Variants in NAV2 observed in about 807,000 individuals in gnomAD.
NAV2 encodes the protein helicase, APC down-regulated 1.
Under a neutral mutation model 223.2 loss-of-function variants are expected in NAV2, and 54 were observed. The ratio of observed to expected loss-of-function variants is 0.24; its 90% CI spans 0.19 to 0.30. The LOEUF (loss-of-function observed/expected upper bound fraction) is 0.30. Among genes scored for constraint, NAV2 ranks in the 10% least tolerant of loss-of-function variants. NAV2 has a pLI of 1.00. For synonymous variants in NAV2, 1,279 were observed against 1,239.3 expected (o/e 1.03, Z -0.67); for missense variants, 2,806 against 3,147.5 (o/e 0.89, Z 2.60).
intron 8 of NAV2, among the ~76,000 whole-genome samples, chr11:19,944,411 C>T (rs898280879): frequency 2.6e-5 from 4 of 152,046 alleles, no homozygotes; most frequent in African/African-American, 9.7e-5. Flanking sequence ...GTTTTCTTTC[C>T]TTTTCTTTTC....
intron 3 of NAV2, among the ~76,000 whole-genome samples, chr11:19,865,114 C>A (rs1447590044): frequency 6.6e-6 from 1 of 152,202 alleles, no homozygotes; most frequent in Non-Finnish European, 1.5e-5. Context: ...TGCTAATGAA[C>A]AAGTTTGGTC....
intron 6 of NAV2, among the ~76,000 whole-genome samples, chr11:19,898,753 C>G (rs2042205234): frequency 6.6e-6 from 1 of 152,208 alleles, no homozygotes; most frequent in South Asian, 2.1e-4. Context: ...AAGATTATAC[C>G]TATTTATATA....
At chr11:19,646,669 G>T (rs1863159565) in intron 1 of NAV2, among the ~76,000 whole-genome samples, 1 of 152,080 alleles carries the variant, frequency 6.6e-6, no homozygotes, top group South Asian at 2.1e-4. Flanking sequence ...CCAGAGGCAG[G>T]TAATCATACA....
chr11:19,872,731 G>A (rs2585752), intron 4 of NAV2, among the ~76,000 whole-genome samples: 133,258 of 152,246 alleles, frequency 0.88, 58,537 homozygotes, highest in East Asian at 1. Flanking sequence ...CCCGCCTGCT[G>A]GAGAGCCACA....
At chr11:19,416,621 A>C (rs1223514490) in intron 1 of NAV2, among the ~76,000 whole-genome samples, 2 of 152,246 alleles carry the variant, frequency 1.3e-5, no homozygotes, top group Non-Finnish European at 2.9e-5. Context: ...GGAACCAAAA[A>C]AGAGCCCGTA....
At chr11:19,964,361 C>T (rs2048578475) in intron 10 of NAV2, among the ~76,000 whole-genome samples, 1 of 152,104 alleles carries the variant, frequency 6.6e-6, no homozygotes. Flanking sequence ...ACCTGCCTAG[C>T]CTCTGACCAA....
chr11:20,077,540 C>T lies in NAV2; in HGVS notation c.4984-12C>T. 6.2e-7 allele frequency: 1 copy of T among 1,606,892 alleles called. No homozygotes were observed. Among genetic ancestry groups the T allele is most frequent in the Non-Finnish European group, 8.5e-7 (1 of 1,173,562 alleles). ...CAAGGTAATATAACTGAGGTTGTGT[C>T]TTCCCCTCCAGGCTCACCTTGTGGC... On this transcript the variant is annotated splice_polypyrimidine_tract_variant and intron_variant, in intron 22 of 37. Coordinates refer to ENST00000349880, the MANE Select transcript of NAV2 (RefSeq NM_145117.5).
chr11:19,663,529 C>T (rs1565148876), intron 1 of NAV2, among the ~76,000 whole-genome samples: 1 of 152,216 alleles, frequency 6.6e-6, no homozygotes, highest in Non-Finnish European at 1.5e-5. Flanking sequence ...CTGTGGTCCC[C>T]TGTCCCCGAC....
intron 1 of NAV2, among the ~76,000 whole-genome samples, chr11:19,585,791 TTCTC>T (rs1324747165): frequency 1.3e-5 from 2 of 152,224 alleles, no homozygotes; most frequent in Non-Finnish European, 1.5e-5. Flanking sequence ...AACCCAACCT[TTCTC>T]TCTGGCTGCC....
chr11:19,457,568 T>C (rs538402833), intron 1 of NAV2, among the ~76,000 whole-genome samples: 5 of 152,068 alleles, frequency 3.3e-5, no homozygotes, highest in African/African-American at 7.2e-5. Flanking sequence ...TGAGAAGCCA[T>C]TTGAGAGAGT....
chr11:19,931,899 G>C (rs1207132656), intron 6 of NAV2: 1 of 152,242 alleles, frequency 6.6e-6, no homozygotes, highest in Non-Finnish European at 1.5e-5. Context: ...GTGGGTGCGG[G>C]CACGGGGCCC....
rs2059997027 is a variant in NAV2 at position 20,080,083 on chromosome 11, T to G, written c.5199T>G (p.Ser1733=). 1 of 1,613,854 alleles carries G rather than the reference T, an allele frequency of 6.2e-7. No individual in the cohort carries two copies. The highest frequency in any genetic ancestry group is 1.1e-5 in the South Asian group (1 of 91,058). The change falls in exon 25 of 38, where the codon TCT becomes TCG. Residue 1733 remains serine (S), a synonymous_variant. Transcript: ENST00000349880. The part of the protein sequence containing the change: ...LNCKGNGTAQ[S]ADLRIRRQHS... ...CTCCAGGAAACGGCACTGCCCAGTC[T>G]GCAGACCTCCGCATCCGCAGGCAGC...
chr11:19,834,799 G>A (rs1191602531), intron 2 of NAV2, among the ~76,000 whole-genome samples: 1 of 152,178 alleles, frequency 6.6e-6, no homozygotes, highest in Non-Finnish European at 1.5e-5. Context: ...TCCTGACTGT[G>A]GGATCAGCTG....
At chr11:20,004,660 T>C (rs2052875597) in intron 11 of NAV2, among the ~76,000 whole-genome samples, 1 of 152,054 alleles carries the variant, frequency 6.6e-6, no homozygotes, top group Admixed American at 6.5e-5. Flanking sequence ...CTTAAGGGGG[T>C]GCTGAAAGAA....
intron 1 of NAV2, among the ~76,000 whole-genome samples, chr11:19,829,920 G>A (rs2059835945): frequency 6.6e-6 from 1 of 152,134 alleles, no homozygotes; most frequent in Non-Finnish European, 1.5e-5. Context: ...TCTAGGTTTG[G>A]GTTTTGATTA....
chr11:19,845,862 A>T (rs552538356), intron 3 of NAV2, among the ~76,000 whole-genome samples: 52 of 152,190 alleles, frequency 3.4e-4, no homozygotes, highest in African/African-American at 1.2e-3. Flanking sequence ...TAGACTGTCA[A>T]TCAGCAAGCA....
chr11:19,423,788 C>A (rs755761155), intron 1 of NAV2, among the ~76,000 whole-genome samples: 4 of 152,088 alleles, frequency 2.6e-5, no homozygotes, highest in Non-Finnish European at 5.9e-5. Context: ...ACTGAGTCAC[C>A]CATGAGTTGG....
chr11:19,358,678 G>A (rs571226863), intron 1 of NAV2, among the ~76,000 whole-genome samples: 1 of 152,242 alleles, frequency 6.6e-6, no homozygotes, highest in South Asian at 2.1e-4. Flanking sequence ...GGAACAGTGT[G>A]CCTTTATGTT....
chr11:19,790,296 A>G (rs2057429090), intron 1 of NAV2, among the ~76,000 whole-genome samples: 1 of 152,242 alleles, frequency 6.6e-6, no homozygotes, highest in East Asian at 1.9e-4. Flanking sequence ...ACAGAGTTCT[A>G]GTCCAAACCA....
Sources: gnomAD v4.1 joint callset for allele counts (sites outside exome capture counted in the v4.1 genomes callset) on GRCh38, gnomAD v4.1.1 for gene constraint, MANE v1.5 for transcripts, NCBI Gene and HGNC (gene_info 2026-07-23, HGNC 2026-07-21) for gene names.